TMEM132D: variants seen among roughly 807,000 people sequenced by gnomAD.
The protein encoded by TMEM132D is transmembrane protein 132D, also known as mature OL transmembrane protein.
In TMEM132D, 21 loss-of-function variants were observed where a neutral mutation model predicts 62.3. The ratio of observed to expected loss-of-function variants is 0.34; its 90% confidence interval spans 0.24 to 0.49. The LOEUF is 0.49. TMEM132D is among the 20% of genes least tolerant of loss of function. The pLI is 0.99. For synonymous variants in TMEM132D, 621 were observed against 575.6 expected, an observed-to-expected ratio of 1.08 and a Z score of -1.13; for missense variants, 1,346 against 1,402.8, an observed-to-expected ratio of 0.96 and a Z score of 0.65.
intron 4 of TMEM132D, among the ~76,000 whole-genome samples, chr12:129,324,899 T>C (rs1339188878): frequency 1.3e-5 from 2 of 152,240 alleles, no homozygotes; most frequent in Non-Finnish European, 1.5e-5. Context: ...ATGTCTTCTT[T>C]GTCATTGCTG....
At chr12:129,684,334 C>T (rs530514957) in intron 2 of TMEM132D, among the ~76,000 whole-genome samples, 20 of 152,148 alleles carry the variant, frequency 1.3e-4, no homozygotes, top group African/African-American at 2.9e-4. Context: ...TTATAAGGGG[C>T]GTTTCCCCCT....
intron 2 of TMEM132D, among the ~76,000 whole-genome samples, chr12:129,619,074 G>T (rs985383325): frequency 6.6e-6 from 1 of 152,182 alleles, no homozygotes; most frequent in African/African-American, 2.4e-5. Flanking sequence ...CAAATAGCAG[G>T]CTTTAGAGAG....
rs1373998093 is a variant in TMEM132D, at chr12:129,084,715, G to A, written c.1444-13C>T. ...ATCTGTCAGAAACCTGTGAAGAGGTGAGAGAGAAAAGGGGAGGGAAAGGTG... is the reference window on the plus strand; with the variant it reads ...ATCTGTCAGAAACCTGTGAAGAGGTAAGAGAGAAAAGGGGAGGGAAAGGTG... On this transcript the variant is annotated splice_polypyrimidine_tract_variant and intron_variant, in intron 5 of 8. Coordinates refer to ENST00000422113, the MANE Select transcript of TMEM132D (RefSeq NM_133448.3). 3 of 1,612,702 alleles carry A rather than the reference G, an allele frequency of 1.9e-6. No homozygotes were observed. Among genetic ancestry groups the A allele is most frequent in the East Asian group, 2.2e-5 (1 of 44,822 alleles).
intron 2 of TMEM132D, among the ~76,000 whole-genome samples, chr12:129,640,202 C>A (rs2137174229): frequency 6.6e-6 from 1 of 152,182 alleles, no homozygotes; most frequent in South Asian, 2.1e-4. Flanking sequence ...CTGGAAAGAG[C>A]CAGATGGTAA....
chr12:129,420,955 G>T (rs1176541374), intron 3 of TMEM132D, among the ~76,000 whole-genome samples: 2 of 146,822 alleles, frequency 1.4e-5, no homozygotes, highest in African/African-American at 5.0e-5. Flanking sequence ...GCTGTTGGTA[G>T]ATCTACCTTT....
At chr12:129,095,098 G>T (rs890350702) in intron 5 of TMEM132D, among the ~76,000 whole-genome samples, 7 of 151,264 alleles carry the variant, frequency 4.6e-5, no homozygotes, top group African/African-American at 1.7e-4. Context: ...AGAGTTAATG[G>T]GTGCAGCCCA....
chr12:129,573,865 T>C lies in TMEM132D; in HGVS notation c.969-42660A>G, dbSNP rs1171976985. Among the ~76,000 whole-genome samples the C allele has an allele frequency of 2.0e-5, 3 of 150,026 alleles. 1 individual carries two copies. The highest frequency in any genetic ancestry group is 5.1e-5 in the African/African-American group (2 of 39,468). On this transcript the variant is annotated intron_variant, in intron 2 of 8. Coordinates refer to ENST00000422113, the MANE Select transcript of TMEM132D (RefSeq NM_133448.3). Reference sequence around the variant, plus strand: ...GAAGCGTGGATATTGTATCCTTCCATTTATAAAAAACTCTAGAAAAGGCAA... The same window carrying C: ...GAAGCGTGGATATTGTATCCTTCCACTTATAAAAAACTCTAGAAAAGGCAA...
At chr12:129,897,577 A>T (rs1875186513) in intron 1 of TMEM132D, among the ~76,000 whole-genome samples, 1 of 152,190 alleles carries the variant, frequency 6.6e-6, no homozygotes, top group Admixed American at 6.5e-5. Flanking sequence ...AAAATAAAAA[A>T]AACAAAAAAG....
At chr12:129,717,017 T>C (rs947730395) in intron 1 of TMEM132D, among the ~76,000 whole-genome samples, 1 of 152,124 alleles carries the variant, frequency 6.6e-6, no homozygotes. Flanking sequence ...CCCACCTTCA[T>C]GTTGATTAGA....
chr12:129,458,705 G>A (rs1417743937), intron 3 of TMEM132D, among the ~76,000 whole-genome samples: 2 of 152,160 alleles, frequency 1.3e-5, no homozygotes, highest in Non-Finnish European at 2.9e-5. Context: ...GAATTCAGAC[G>A]GGGCCCCTAG....
chr12:129,554,047 A>C (rs1483866416), intron 2 of TMEM132D, among the ~76,000 whole-genome samples: 2 of 152,136 alleles, frequency 1.3e-5, no homozygotes, highest in Non-Finnish European at 2.9e-5. Context: ...ATATAGTCCC[A>C]GTTTCTCCTC....
chr12:129,608,045 A>T (rs1878676321), intron 2 of TMEM132D, among the ~76,000 whole-genome samples: 1 of 152,202 alleles, frequency 6.6e-6, no homozygotes, highest in Non-Finnish European at 1.5e-5. Context: ...TGTGGGGGAA[A>T]AACAGATAAC....
intron 1 of TMEM132D, among the ~76,000 whole-genome samples, chr12:129,838,171 T>C (rs1873065848): frequency 1.3e-5 from 2 of 152,188 alleles, no homozygotes; most frequent in Non-Finnish European, 2.9e-5. Context: ...TGACCATAAA[T>C]CAGGATTAAA....
chr12:129,174,561 T>C (rs1471181709), intron 5 of TMEM132D, among the ~76,000 whole-genome samples: 1 of 152,188 alleles, frequency 6.6e-6, no homozygotes, highest in East Asian at 1.9e-4. Flanking sequence ...GTCTTTATAG[T>C]AAAATGATTT....
At chr12:129,496,861 C>G (rs942235316) in intron 3 of TMEM132D, among the ~76,000 whole-genome samples, 14 of 152,166 alleles carry the variant, frequency 9.2e-5, no homozygotes, top group Non-Finnish European at 2.9e-5. Flanking sequence ...TCTTTTGCAC[C>G]CAGGGAGTAA....
chr12:129,479,531 A>G (rs1331282857), intron 3 of TMEM132D, among the ~76,000 whole-genome samples: 4 of 152,224 alleles, frequency 2.6e-5, no homozygotes, highest in Non-Finnish European at 5.9e-5. Context: ...AAAGAGCAAA[A>G]TGCAAAATAT....
intron 5 of TMEM132D, among the ~76,000 whole-genome samples, chr12:129,097,402 CTCTG>C (rs1389994922): frequency 5.3e-5 from 8 of 152,222 alleles, no homozygotes; most frequent in Non-Finnish European, 8.8e-5. Context: ...AATGCACATT[CTCTG>C]TATGTTTCTT....
At chr12:129,895,957 GTCTC>G (rs1220854528) in intron 1 of TMEM132D, among the ~76,000 whole-genome samples, 11 of 37,520 alleles carry the variant, frequency 2.9e-4, no homozygotes, top group African/African-American at 4.3e-4. Flanking sequence ...TGATTTCTCT[GTCTC>G]TCTTTTTTTT....
At position 129,797,501 on chromosome 12, in the gene TMEM132D, C is replaced by T. The variant is rs116332567; in HGVS notation, c.80-96803G>A. On this transcript the variant is annotated intron_variant, in intron 1 of 8. Coordinates refer to ENST00000422113, the MANE Select transcript of TMEM132D (RefSeq NM_133448.3). Reference sequence around the variant, plus strand: ...GTGCGCATCCACCTGCAGGATGCTTCACTGCACAGCTGATCAGACCCAGAG... The same window carrying T: ...GTGCGCATCCACCTGCAGGATGCTTTACTGCACAGCTGATCAGACCCAGAG... Among the ~76,000 whole-genome samples, 621 of 152,326 alleles carry T rather than the reference C, an allele frequency of 4.1e-3. 5 individuals carry two copies. The highest frequency in any genetic ancestry group is 0.014 in the African/African-American group (592 of 41,580).
Sources: gnomAD v4.1 joint callset for allele counts (sites outside exome capture counted in the v4.1 genomes callset) on GRCh38, gnomAD v4.1.1 for gene constraint, MANE v1.5 for transcripts, NCBI Gene and HGNC (gene_info 2026-07-23, HGNC 2026-07-21) for gene names.